PTPRN2: variants seen among roughly 807,000 people sequenced by gnomAD.
PTPRN2 encodes protein tyrosine phosphatase receptor type N2.
A neutral mutation model predicts 118.8 loss-of-function variants in PTPRN2; 74 were observed. The observed-to-expected ratio is 0.62, with a 90% CI of 0.52 to 0.76. PTPRN2 has a LOEUF of 0.76. PTPRN2 is among the 30% of genes least tolerant of loss of function. PTPRN2 has a pLI of 0.00. For missense variants in PTPRN2, 1,481 were observed against 1,394.4 expected, an observed-to-expected ratio of 1.06 and a Z score of -0.99; for synonymous variants, 641 against 608.0, an observed-to-expected ratio of 1.05 and a Z score of -0.80.
At chr7:158,471,709 C>CA (rs142862963) in intron 2 of PTPRN2, among the ~76,000 whole-genome samples, 15,155 of 146,996 alleles carry the variant, frequency 0.1, 807 homozygotes, top group African/African-American at 0.12. Context: ...AACAAACAAA[C>CA]AAAAAAAAAA....
At chr7:157,782,962 A>G (rs1390501188) in intron 12 of PTPRN2, among the ~76,000 whole-genome samples, 1 of 152,080 alleles carries the variant, frequency 6.6e-6, no homozygotes, top group Non-Finnish European at 1.5e-5. Context: ...TAATCCCCAC[A>G]TGTTGGGGGA....
intron 11 of PTPRN2, among the ~76,000 whole-genome samples, chr7:158,055,231 C>T (rs10253874): frequency 0.33 from 50,538 of 151,832 alleles, 9,185 homozygotes; most frequent in African/African-American, 0.5. Context: ...TGAGGGGACA[C>T]AGTGAGAAGT....
intron 9 of PTPRN2, among the ~76,000 whole-genome samples, chr7:158,117,968 A>C (rs753981830): frequency 6.6e-6 from 1 of 152,208 alleles, no homozygotes; most frequent in African/African-American, 2.4e-5. Flanking sequence ...CAATAACTCA[A>C]AGCCATATAA....
At chr7:158,297,911 C>A (rs1586164632) in intron 3 of PTPRN2, among the ~76,000 whole-genome samples, 1 of 152,212 alleles carries the variant, frequency 6.6e-6, no homozygotes, top group Non-Finnish European at 1.5e-5. Flanking sequence ...TTAAGGAATG[C>A]ATGTTTTAAT....
rs13310672 is a variant in PTPRN2 at position 157,617,511 on chromosome 7, C to T, written c.2344+3851G>A. On this transcript the variant is annotated intron_variant, in intron 15 of 22. Coordinates refer to ENST00000389418, the MANE Select transcript of PTPRN2 (RefSeq NM_002847.5). The surrounding 1 kb of genome is among the most constrained non-coding windows in gnomAD (Gnocchi z 7.5). ...GATGCTGTGGTTAGGACGCTGTTCA[C>T]GCAGCTGCAGCGCAGAGCACGGGGG... is the stretch of plus-strand genomic sequence containing the variant. 4 of 150,734 alleles carry T rather than the reference C, an allele frequency of 2.7e-5. No homozygotes were observed. The highest frequency in any genetic ancestry group is 6.6e-5 in the Admixed American group (1 of 15,114). The allele number at this position is 150,734 out of a possible 1,614,324, so 9.3% of individuals were successfully genotyped here. A position where few individuals can be genotyped will look rare whatever the true frequency, so the allele number is the denominator to read the frequency against.
chr7:158,135,855 C>A (rs1023966508), intron 8 of PTPRN2, among the ~76,000 whole-genome samples: 1 of 152,214 alleles, frequency 6.6e-6, no homozygotes, highest in African/African-American at 2.4e-5. Context: ...ACCAAAGACT[C>A]TTCTTTCTCC....
intron 21 of PTPRN2, among the ~76,000 whole-genome samples, chr7:157,562,280 G>C (rs1383022974): frequency 6.6e-6 from 1 of 152,312 alleles, no homozygotes; most frequent in East Asian, 1.9e-4. Context: ...GGAGAAAATG[G>C]AGCGGGGAGA....
At chr7:158,149,143 T>G (rs200704475) in intron 6 of PTPRN2, among the ~76,000 whole-genome samples, 6 of 78,664 alleles carry the variant, frequency 7.6e-5, no homozygotes, top group South Asian at 4.0e-4. Flanking sequence ...TCACGCCACG[T>G]GTCTTTCCCC....
intron 2 of PTPRN2, among the ~76,000 whole-genome samples, chr7:158,320,742 C>T (rs1326025417): frequency 6.6e-6 from 1 of 152,152 alleles, no homozygotes; most frequent in Non-Finnish European, 1.5e-5. Flanking sequence ...TGTGGGTGTC[C>T]TTTATTCTAG....
At chr7:157,689,578 A>AT (rs1432508887) in intron 12 of PTPRN2, among the ~76,000 whole-genome samples, 1 of 152,226 alleles carries the variant, frequency 6.6e-6, no homozygotes, top group Non-Finnish European at 1.5e-5. Context: ...GGTTCGCCCG[A>AT]TTCCCTGGAG....
At chr7:158,037,257 A>G (rs1309630092) in intron 11 of PTPRN2, among the ~76,000 whole-genome samples, 6 of 152,252 alleles carry the variant, frequency 3.9e-5, no homozygotes. Context: ...GACACATGCC[A>G]TGTAAGTACA....
chr7:157,749,064 G>T (rs1167894667), intron 12 of PTPRN2, among the ~76,000 whole-genome samples: 1 of 100,946 alleles, frequency 9.9e-6, no homozygotes, highest in Non-Finnish European at 1.9e-5. Context: ...TCCCTGAGCT[G>T]TGGGCTGTCC....
chr7:158,417,629 C>T (rs11980629), intron 2 of PTPRN2, among the ~76,000 whole-genome samples: 37 of 130,624 alleles, frequency 2.8e-4, no homozygotes, highest in South Asian at 1.6e-3. Context: ...TGTTAAGTCA[C>T]GGTGTCCTAC....
At chr7:157,558,422 T>C (rs1294153333) in intron 21 of PTPRN2, among the ~76,000 whole-genome samples, 3 of 152,226 alleles carry the variant, frequency 2.0e-5, no homozygotes, top group South Asian at 2.1e-4. Flanking sequence ...CTCCACGATG[T>C]GGCTAGGTCC....
At chr7:158,270,806 T>TCACCTGGGCCGCCCCTC (rs1798323056) in intron 3 of PTPRN2, among the ~76,000 whole-genome samples, 2 of 6,398 alleles carry the variant, frequency 3.1e-4, no homozygotes, top group Admixed American at 1.4e-3. Flanking sequence ...GACCACCCCC[T>TCACCTGGGCCGCCCCTC]CACCTGGACC....
chr7:158,370,783 A>G (rs1438556118), intron 2 of PTPRN2, among the ~76,000 whole-genome samples: 2 of 152,162 alleles, frequency 1.3e-5, no homozygotes, highest in Non-Finnish European at 2.9e-5. Context: ...ATCAATCAAT[A>G]AAGGCTGGGA....
intron 1 of PTPRN2, among the ~76,000 whole-genome samples, chr7:158,581,907 A>T (rs1350380097): frequency 6.6e-6 from 1 of 152,208 alleles, no homozygotes; most frequent in South Asian, 2.1e-4. Flanking sequence ...CAGCCTCGTG[A>T]TGTAGAGTGA....
intron 12 of PTPRN2, 112 bp from the exon 13 acceptor site, chr7:157,683,049 G>A: frequency 5.2e-6 from 5 of 957,596 alleles, no homozygotes; most frequent in South Asian, 3.0e-5. Context: ...ACAGGACGCT[G>A]TGCTGGCCCT....
chr7:157,804,762 A>G (rs1585514406), intron 12 of PTPRN2, among the ~76,000 whole-genome samples: 2 of 151,956 alleles, frequency 1.3e-5, no homozygotes, highest in East Asian at 3.9e-4. Context: ...ACACCTTCTG[A>G]CTCTTGACAG....
Sources: allele counts gnomAD v4.1 joint callset (sites outside exome capture counted in the v4.1 genomes callset), GRCh38; gene constraint gnomAD v4.1.1; non-coding constraint Gnocchi (gnomAD v3.1); transcripts MANE v1.5; gene names NCBI Gene and HGNC (gene_info 2026-07-23, HGNC 2026-07-21).